EPM2A: variants seen among roughly 807,000 people sequenced by gnomAD.
EPM2A encodes the protein laforin.
Under a neutral mutation model 26.5 loss-of-function variants are expected in EPM2A, and 21 were observed. The ratio of observed to expected loss-of-function variants is 0.79; its 90% CI spans 0.56 to 1.14. The LOEUF is 1.14. Among genes scored for constraint, EPM2A ranks in the 50% most tolerant of loss-of-function variants. The pLI is 0.00. For missense variants in EPM2A, 458 were observed against 440.8 expected (o/e 1.04, Z -0.35); for synonymous variants, 217 against 177.6 (o/e 1.22, Z -1.76).
chr6:145,657,370 C>A (rs1025445132), intron 2 of EPM2A, among the ~76,000 whole-genome samples: 1 of 151,770 alleles, frequency 6.6e-6, no homozygotes, highest in South Asian at 2.1e-4. Context: ...ATTACAGGCA[C>A]GAGCCACTGC....
At chr6:145,664,768 GC>G (rs1439145406) in intron 2 of EPM2A, among the ~76,000 whole-genome samples, 1 of 151,480 alleles carries the variant, frequency 6.6e-6, no homozygotes, top group Non-Finnish European at 1.5e-5. Flanking sequence ...TGGAAGTAAA[GC>G]TCTCCTCAGC....
intron 1 of EPM2A, among the ~76,000 whole-genome samples, chr6:145,691,691 G>A (rs781693453): frequency 9.9e-5 from 15 of 151,996 alleles, no homozygotes; most frequent in Admixed American, 3.3e-4. Flanking sequence ...ACTCAAACTC[G>A]TAAAAGGTTG....
chr6:145,515,526 A>T (rs544386686), intron 2 of EPM2A, among the ~76,000 whole-genome samples: 71 of 152,296 alleles, frequency 4.7e-4, no homozygotes, highest in Non-Finnish European at 8.4e-4. Context: ...ACACTTCCTC[A>T]TACACAGAGA....
chr6:145,663,397 T>C (rs1273659662), intron 2 of EPM2A, among the ~76,000 whole-genome samples: 1 of 152,164 alleles, frequency 6.6e-6, no homozygotes, highest in Non-Finnish European at 1.5e-5. Flanking sequence ...GGCCAGTGGG[T>C]GCACGCACCG....
At chr6:145,487,573 T>G (rs374924963) in intron 4 of EPM2A, among the ~76,000 whole-genome samples, 105 of 152,314 alleles carry the variant, frequency 6.9e-4, no homozygotes, top group African/African-American at 2.4e-3. Context: ...TAGTTTTGAT[T>G]TGCATTTCTC....
chr6:145,559,907 A>G (rs73564486), intron 2 of EPM2A, among the ~76,000 whole-genome samples: 10,234 of 152,156 alleles, frequency 0.067, 1,155 homozygotes, highest in African/African-American at 0.23. Flanking sequence ...TTTGTAATCT[A>G]AGTAGTTATG....
chr6:145,596,875 ATCTTTTTTTT>A (rs1781350668), intron 2 of EPM2A, among the ~76,000 whole-genome samples: 2 of 118,064 alleles, frequency 1.7e-5, no homozygotes, highest in Non-Finnish European at 3.4e-5. Context: ...TCTCTCCGAG[ATCTTTTTTTT>A]TTTTTTTTTT....
intron 2 of EPM2A, among the ~76,000 whole-genome samples, chr6:145,544,603 G>GT (rs552039566): frequency 5.3e-5 from 8 of 151,412 alleles, no homozygotes; most frequent in Non-Finnish European, 8.8e-5. Context: ...TTATAAATTG[G>GT]TTTTTTTTTC....
intron 4 of EPM2A, among the ~76,000 whole-genome samples, chr6:145,473,763 T>C (rs1245751455): frequency 2.0e-5 from 3 of 152,124 alleles, no homozygotes; most frequent in South Asian, 2.1e-4. Context: ...GCATGGCATA[T>C]TGAAAATGCT....
At chr6:145,728,389 T>C (rs1776317445) in intron 1 of EPM2A, among the ~76,000 whole-genome samples, 1 of 152,196 alleles carries the variant, frequency 6.6e-6, no homozygotes, top group South Asian at 2.1e-4. Context: ...GTGACCAAGA[T>C]GCTGATACTG....
intron 4 of EPM2A, among the ~76,000 whole-genome samples, chr6:145,473,111 G>A (rs1402255363): frequency 2.0e-5 from 3 of 151,828 alleles, no homozygotes; most frequent in Non-Finnish European, 4.4e-5. Flanking sequence ...TTTAAACAGA[G>A]AATTCAAAGT....
chr6:145,418,961 T>G (rs1374224212), intron 4 of EPM2A, among the ~76,000 whole-genome samples: 1 of 152,234 alleles, frequency 6.6e-6, no homozygotes, highest in African/African-American at 2.4e-5. Context: ...GTCTAACTGT[T>G]ATGGAACTTG....
intron 2 of EPM2A, among the ~76,000 whole-genome samples, chr6:145,586,732 C>A (rs1322403733): frequency 6.6e-6 from 1 of 152,118 alleles, no homozygotes; most frequent in Non-Finnish European, 1.5e-5. Context: ...TTCCAAGCAT[C>A]CTCCACAACC....
intron 2 of EPM2A, among the ~76,000 whole-genome samples, chr6:145,537,476 G>C (rs557933439): frequency 1.3e-5 from 2 of 151,746 alleles, no homozygotes; most frequent in East Asian, 1.9e-4. Context: ...TGGCCTAGAA[G>C]TATTCCTTTA....
intron 2 of EPM2A, among the ~76,000 whole-genome samples, chr6:145,613,165 G>A (rs1417676356): frequency 1.3e-5 from 2 of 152,026 alleles, no homozygotes; most frequent in Non-Finnish European, 2.9e-5. Context: ...CAATGTTCAC[G>A]GCATCTCCAC....
rs1778328278 is a variant in EPM2A at position 145,390,883 on chromosome 6, T to C, written c.556-6786A>G. On this transcript the variant is annotated intron_variant, in intron 4 of 4. Coordinates refer to the EPM2A transcript ENST00000638717. ...TTTTCACCTTCTTTCCATCTCAATA[T>C]GCAATTCCTAGGAAAGAGATTCGTT... is the stretch of plus-strand genomic sequence containing the variant. Among the ~76,000 whole-genome samples, 3 of 152,264 alleles carry C rather than the reference T, an allele frequency of 2.0e-5. No homozygotes were observed. The South Asian group carries it at 6.2e-4, about 32-fold the overall frequency.
intron 2 of EPM2A, among the ~76,000 whole-genome samples, chr6:145,676,604 C>A (rs892287834): frequency 6.6e-6 from 1 of 151,958 alleles, no homozygotes; most frequent in African/African-American, 2.4e-5. Context: ...GATATCACCA[C>A]CGATCCCAAA....
chr6:145,422,084 G>T (rs1350763581), intron 4 of EPM2A, among the ~76,000 whole-genome samples: 44 of 144,312 alleles, frequency 3.0e-4, no homozygotes, highest in African/African-American at 5.0e-4. Context: ...TATAGAGAGA[G>T]AGAGAGAGAT....
intron 1 of EPM2A, among the ~76,000 whole-genome samples, chr6:145,702,190 T>C (rs9485017): frequency 0.64 from 98,031 of 152,048 alleles, 32,016 homozygotes; most frequent in East Asian, 0.79. Context: ...CAATGCTCTA[T>C]GGAAAAAAAA....
Sources: gnomAD v4.1 joint callset for allele counts (sites outside exome capture counted in the v4.1 genomes callset) on GRCh38, gnomAD v4.1.1 for gene constraint, MANE v1.5 for transcripts, NCBI Gene and HGNC (gene_info 2026-07-23, HGNC 2026-07-21) for gene names.